Variants in PLAC8L1 observed in about 807,000 individuals in gnomAD.
PLAC8L1 encodes the protein PLAC8-like protein 1.
Under a neutral mutation model 16.3 loss-of-function variants are expected in PLAC8L1, and 13 were observed. The observed-to-expected ratio is 0.80, with a 90% CI of 0.52 to 1.27. The LOEUF (loss-of-function observed/expected upper bound fraction) is 1.27, where lower values mean the gene tolerates loss of function less well. Among genes scored for constraint, PLAC8L1 ranks in the 50% most tolerant of loss-of-function variants. The pLI is 0.00. For synonymous variants in PLAC8L1, 78 were observed against 79.3 expected (o/e 0.98, Z 0.09); for missense variants, 184 against 220.2 (o/e 0.84, Z 1.04).
Position 146,091,055 on chromosome 5 carries a change from GA to G in PLAC8L1, c.257-5459del, listed in dbSNP as rs370887483. 1.2e-3 allele frequency among the ~76,000 whole-genome samples: 184 copies of G among 148,010 alleles called. 1 individual carries two copies. The highest frequency in any genetic ancestry group is 4.1e-3 in the African/African-American group (166 of 40,712). On this transcript the variant is annotated intron_variant, in intron 2 of 3. Transcript: ENST00000311450. ...AGCGACAAGAGCAAAACTCTGTCTCGAAAAAAAAAAATTGTTAATATGATAT... is the reference window on the plus strand; with the variant it reads ...AGCGACAAGAGCAAAACTCTGTCTCGAAAAAAAAAATTGTTAATATGATAT...
chr5:146,101,274 G>A (rs1181352842), intron 1 of PLAC8L1, among the ~76,000 whole-genome samples: 1 of 151,110 alleles, frequency 6.6e-6, no homozygotes, highest in African/African-American at 2.4e-5. Context: ...TACAGAGAAA[G>A]GCCACGTGAG....
intron 3 of PLAC8L1, among the ~76,000 whole-genome samples, chr5:146,085,246 C>T (rs1484490978): frequency 6.6e-6 from 1 of 152,208 alleles, no homozygotes; most frequent in Non-Finnish European, 1.5e-5. Flanking sequence ...GGCAAAACCC[C>T]ATCTCTACTA....
chr5:146,105,483 T>C lies in PLAC8L1; in HGVS notation c.-1172A>G, dbSNP rs1445996387. Among the ~76,000 whole-genome samples, 2 of 129,444 alleles carry C rather than the reference T, an allele frequency of 1.5e-5. No individual in the cohort carries two copies. Among genetic ancestry groups the C allele is most frequent in the Admixed American group, 9.7e-5 (1 of 10,294 alleles). 84.9% of individuals were successfully genotyped at this position (129,444 alleles called of 152,430 possible). A position where few individuals can be genotyped will look rare whatever the true frequency, so the allele number is the denominator to read the frequency against. On this transcript the variant is annotated 5_prime_UTR_variant, in exon 1 of 4. An upstream start codon of the reference 5' UTR is lost. Coordinates refer to ENST00000311450, the MANE Select transcript of PLAC8L1 (RefSeq NM_001029869.3). ...AGTGCTGACCACAGTGTCTGGCACATAAAAAGCACTCAATAATTTGTTGAA... is the reference window on the plus strand; with the variant it reads ...AGTGCTGACCACAGTGTCTGGCACACAAAAAGCACTCAATAATTTGTTGAA...
chr5:146,094,169 G>A (rs565553509), intron 2 of PLAC8L1, among the ~76,000 whole-genome samples: 1 of 152,268 alleles, frequency 6.6e-6, no homozygotes, highest in African/African-American at 2.4e-5. Context: ...TGCAACCTCT[G>A]CCTCCTGGGT....
rs752090738 is a variant in PLAC8L1, at chr5:146,085,478, C to T, written c.376G>A (p.Glu126Lys). The change falls in exon 3 of 4, where the codon GAG becomes AAG. Residue 126 changes from glutamate (E) to lysine (K), a missense_variant. Glu to Lys is a moderately conservative substitution (Grantham distance 56). Transcript: ENST00000311450. ...ACACTTACCTGTATTTTATGTCTCT[C>T]CCTGGTGCCAATTCTCAGTGCAAAG... is the stretch of plus-strand genomic sequence containing the variant. The part of the protein sequence containing the change: ...STFALRIGTR[E>K]RHKIQGTLCE... 21 of 1,613,956 alleles carry T rather than the reference C, an allele frequency of 1.3e-5. No individual in the cohort carries two copies. In the African/African-American group the frequency reaches 2.8e-4, roughly 22 times the overall value.
chr5:146,099,279 C>T (rs1467337900), intron 1 of PLAC8L1: 2 of 152,208 alleles, frequency 1.3e-5, no homozygotes, highest in African/African-American at 2.4e-5. Context: ...TAAGATTTTG[C>T]ACCTGTTTTC....
Position 146,084,525 on chromosome 5 carries a change from A to C in PLAC8L1, c.441T>G (p.Phe147Leu). The change falls in exon 4 of 4, where the codon TTT (phenylalanine) becomes TTG (leucine). Residue 147 changes from phenylalanine (F) to leucine (L), a missense_variant. Coordinates refer to ENST00000311450, the MANE Select transcript of PLAC8L1 (RefSeq NM_001029869.3). Reference protein sequence around the residue: ...DWLAVHCCWAFSICQVARELK... With the variant: ...DWLAVHCCWALSICQVARELK... ...GTTCCCGGGCCACCTGGCAGATGGA[A>C]AAAGCCCAACAGCAGTGCACCGCCA... 2 of 1,614,134 alleles carry C rather than the reference A, an allele frequency of 1.2e-6. No individual in the cohort carries two copies. The highest frequency in any genetic ancestry group is 1.7e-6 in the Non-Finnish European group (2 of 1,180,032).
At position 146,098,350 on chromosome 5, in the gene PLAC8L1, A is replaced by C. The variant is rs1343462966; in HGVS notation, c.120-58T>G. ...ACAAAGGTGTTTCAGAACAATAACC[A>C]TTAAGCCAAGTCAGAACCATAAAGA... On this transcript the variant is annotated intron_variant, in intron 1 of 3. Coordinates refer to ENST00000311450, the MANE Select transcript of PLAC8L1 (RefSeq NM_001029869.3). 3.2e-6 allele frequency: 5 copies of C among 1,569,278 alleles called. 1 individual carries two copies. In the South Asian group the frequency reaches 5.8e-5, roughly 18 times the overall value.
At position 146,105,356 on chromosome 5, in the gene PLAC8L1, TTCA is replaced by T. The variant is rs1274049536; in HGVS notation, c.-1048_-1046del. On this transcript the variant is annotated 5_prime_UTR_variant, in exon 1 of 4. Transcript: ENST00000311450. ...CCTCAGACATAGCTTCATAACTGCC[TTCA>T]ATCATGGGGTTCTGGGCAACTGTCA... 3.3e-5 allele frequency among the ~76,000 whole-genome samples: 5 copies of T among 152,226 alleles called. No individual in the cohort carries two copies. The South Asian group carries it at 1.0e-3, about 32-fold the overall frequency.
Position 146,104,200 on chromosome 5 carries a change from T to C in PLAC8L1, c.112A>G (p.Asn38Asp). ...ACTCACCCTATTCCCTACCTCAAGTTGGAAATAAAATGTTCATCTTCAGAT... is the reference window on the plus strand; with the variant it reads ...ACTCACCCTATTCCCTACCTCAAGTCGGAAATAAAATGTTCATCTTCAGAT... The part of the protein sequence containing the change: ...MSSEDEHFIS[N>D]LRGHVPASAV... The change falls in exon 1 of 4, where the codon AAC becomes GAC. Residue 38 changes from asparagine (N) to aspartate (D), a missense_variant. By Grantham distance (23) the Asn-to-Asp change is conservative. Transcript: ENST00000311450. The C allele has an allele frequency of 1.2e-6, 2 of 1,613,550 alleles. No homozygotes were observed. The highest frequency in any genetic ancestry group is 1.7e-6 in the Non-Finnish European group (2 of 1,179,724).
intron 1 of PLAC8L1, among the ~76,000 whole-genome samples, chr5:146,100,415 C>A (rs1763794747): frequency 1.3e-5 from 2 of 151,742 alleles, no homozygotes; most frequent in Admixed American, 6.6e-5. Context: ...TTTCTAGGAA[C>A]CTACCATGGA....
At chr5:146,091,219 G>A (rs1463575855) in intron 2 of PLAC8L1, among the ~76,000 whole-genome samples, 1 of 152,158 alleles carries the variant, frequency 6.6e-6, no homozygotes, top group East Asian at 1.9e-4. Context: ...ACTTATCAGT[G>A]TCCACCCTGT....
chr5:146,103,317 G>A (rs542933737), intron 1 of PLAC8L1, among the ~76,000 whole-genome samples: 3 of 152,118 alleles, frequency 2.0e-5, no homozygotes, highest in East Asian at 1.9e-4. Context: ...GCACCACCAC[G>A]CCCAGCTAAT....
chr5:146,087,248 C>A (rs1346149190), intron 2 of PLAC8L1, among the ~76,000 whole-genome samples: 1 of 152,220 alleles, frequency 6.6e-6, no homozygotes, highest in East Asian at 1.9e-4. Context: ...GAATATTCCA[C>A]AAATTGTTTC....
chr5:146,101,895 G>T (rs1430936541), intron 1 of PLAC8L1, among the ~76,000 whole-genome samples: 1 of 152,216 alleles, frequency 6.6e-6, no homozygotes, highest in Non-Finnish European at 1.5e-5. Flanking sequence ...CCTAAGAATA[G>T]AATGTCTGCT....
chr5:146,101,369 G>C (rs908709084), intron 1 of PLAC8L1, among the ~76,000 whole-genome samples: 1 of 152,134 alleles, frequency 6.6e-6, no homozygotes, highest in Non-Finnish European at 1.5e-5. Flanking sequence ...CCAGAACTGT[G>C]AGAAAATTAT....
chr5:146,099,658 CAAAAAA>C (rs10581890), intron 1 of PLAC8L1, among the ~76,000 whole-genome samples: 57 of 88,716 alleles, frequency 6.4e-4, no homozygotes, highest in Admixed American at 1.2e-3. Context: ...GACTCCGTCT[CAAAAAA>C]AAAAAAAAAA....
At position 146,105,176 on chromosome 5, in the gene PLAC8L1, A is replaced by C. The variant is rs1561787493; in HGVS notation, c.-865T>G. 6.6e-6 allele frequency among the ~76,000 whole-genome samples: 1 copy of C among 152,334 alleles called. No individual in the cohort carries two copies. The highest frequency in any genetic ancestry group is 2.1e-4 in the South Asian group (1 of 4,830). On this transcript the variant is annotated 5_prime_UTR_variant, in exon 1 of 4. It removes an upstream start codon present in the reference 5' UTR. Transcript: ENST00000311450. ...AAGGGCTCTGCAATCATAATTTGAC[A>C]TTACATTAGAAAGACATCAGGAGGA...
chr5:146,101,124 G>A (rs932401942), intron 1 of PLAC8L1, among the ~76,000 whole-genome samples: 6 of 150,298 alleles, frequency 4.0e-5, no homozygotes, highest in Non-Finnish European at 8.8e-5. Flanking sequence ...TTGAGCCTGG[G>A]AGGAAGAGGC....
Sources: allele counts gnomAD v4.1 joint callset (sites outside exome capture counted in the v4.1 genomes callset), GRCh38; gene constraint gnomAD v4.1.1; transcripts MANE v1.5; gene names NCBI Gene and HGNC (gene_info 2026-07-23, HGNC 2026-07-21).